ARPC4: variants seen among roughly 807,000 people sequenced by gnomAD.
ARPC4 encodes actin related protein 2/3 complex subunit 4, also known as actin-related protein 2/3 complex subunit 4.
In ARPC4, 3 loss-of-function variants were observed where a neutral mutation model predicts 22.8. The ratio of observed to expected loss-of-function variants is 0.13; its 90% CI spans 0.06 to 0.34. ARPC4 has a LOEUF of 0.34. ARPC4 is among the 10% of genes least tolerant of loss of function. The pLI is 1.00. For synonymous variants in ARPC4, 80 were observed against 72.5 expected (o/e 1.10, Z -0.52); for missense variants, 98 against 211.0 (o/e 0.46, Z 3.32).
intron 1 of ARPC4, among the ~76,000 whole-genome samples, chr3:9,793,843 G>A (rs2078815512): frequency 6.6e-6 from 1 of 152,088 alleles, no homozygotes; most frequent in Non-Finnish European, 1.5e-5. Flanking sequence ...ACCTTCCCTG[G>A]TGATACCGAT....
intron 2 of ARPC4, chr3:9,799,955 G>A: frequency 3.1e-6 from 2 of 640,542 alleles, no homozygotes; most frequent in Non-Finnish European, 5.8e-6. Flanking sequence ...ACTTGCCCAA[G>A]GAAAGTAACA....
intron 1 of ARPC4, among the ~76,000 whole-genome samples, chr3:9,793,456 T>A (rs159143): frequency 6.6e-6 from 1 of 152,050 alleles, no homozygotes; most frequent in Non-Finnish European, 1.5e-5. Flanking sequence ...CCTCTTAGCC[T>A]CTGAGGCATG....
chr3:9,799,109 T>G (rs1016966883), intron 2 of ARPC4, among the ~76,000 whole-genome samples: 2 of 152,210 alleles, frequency 1.3e-5, no homozygotes, highest in Non-Finnish European at 2.9e-5. Flanking sequence ...ATTAGAGATC[T>G]CTAGGTATTC....
intron 2 of ARPC4, 161 bp from the exon 3 acceptor site, chr3:9,800,024 T>C: frequency 1.4e-6 from 1 of 729,276 alleles, no homozygotes; most frequent in South Asian, 1.6e-5. Context: ...CTCTTTCTGC[T>C]GAAGAACACA....
intron 1 of ARPC4, among the ~76,000 whole-genome samples, chr3:9,795,091 A>T (rs1367083378): frequency 1.3e-5 from 2 of 151,760 alleles, no homozygotes; most frequent in African/African-American, 4.8e-5. Context: ...CTGCAACCTC[A>T]GTCTCCTGGG....
chr3:9,801,401 G>A (rs982586020), intron 3 of ARPC4, among the ~76,000 whole-genome samples: 4 of 152,004 alleles, frequency 2.6e-5, no homozygotes, highest in Admixed American at 2.6e-4. Flanking sequence ...GCAGCTTGGA[G>A]TACAGCTGTA....
Position 9,795,556 on chromosome 3 carries a change from T to C in ARPC4, c.4-2103T>C, listed in dbSNP as rs542559628. ...CTCAGCCTACCGCTGCAGCCTCATT[T>C]AGTGAATCTAAAATGCTTCTCATAT... On this transcript the variant is annotated intron_variant, in intron 1 of 5. Transcript: ENST00000397261. 2.9e-4 allele frequency among the ~76,000 whole-genome samples: 44 copies of C among 152,314 alleles called. 2 individuals carry two copies. Among genetic ancestry groups the C allele is most frequent in the African/African-American group, 1.0e-3 (43 of 41,566 alleles).
In ARPC4 at chr3:9,806,436, A is replaced by C; in HGVS notation, c.*221A>C. 3.3e-6 allele frequency: 2 copies of C among 610,334 alleles called. No homozygotes were observed. Among genetic ancestry groups the C allele is most frequent in the Non-Finnish European group, 5.9e-6 (2 of 339,440 alleles). The allele number at this position is 610,334 out of a possible 1,614,324, so 37.8% of individuals were successfully genotyped here. On this transcript the variant is annotated 3_prime_UTR_variant, in exon 6 of 6. Coordinates refer to ENST00000397261, the MANE Select transcript of ARPC4 (RefSeq NM_005718.5). ...CTGGTCAGGCTGGCTTCTGATGTTC[A>C]GTCCCCTGGGCCGGGACAGATTTTT...
chr3:9,792,958 C>T, upstream of ARPC4: 1 of 1,411,330 alleles, frequency 7.1e-7, no homozygotes, highest in East Asian at 2.8e-5. Flanking sequence ...GGAAAACTTC[C>T]GGAAGGCCCA....
intron 1 of ARPC4, among the ~76,000 whole-genome samples, chr3:9,795,741 A>G (rs2078868972): frequency 6.6e-6 from 1 of 152,216 alleles, no homozygotes; most frequent in Non-Finnish European, 1.5e-5. Flanking sequence ...GCTGTGAATA[A>G]AATAGATATG....
intron 1 of ARPC4, among the ~76,000 whole-genome samples, chr3:9,796,906 G>A (rs367926766): frequency 6.8e-4 from 91 of 133,432 alleles, no homozygotes; most frequent in East Asian, 3.8e-3. Flanking sequence ...GTGCCACCGC[G>A]CTCCAGCCTG....
chr3:9,805,102 TAGG>T (rs1388197510), intron 5 of ARPC4, among the ~76,000 whole-genome samples: 1 of 152,234 alleles, frequency 6.6e-6, no homozygotes, highest in Non-Finnish European at 1.5e-5. Flanking sequence ...GCCAGGATAT[TAGG>T]AGGCCTCTAG....
At chr3:9,796,688 A>T (rs548126897) in intron 1 of ARPC4, among the ~76,000 whole-genome samples, 236 of 152,078 alleles carry the variant, frequency 1.6e-3, no homozygotes, top group South Asian at 2.7e-3. Context: ...ACGCCTGTAA[A>T]CCCAGCACTT....
In ARPC4 at chr3:9,797,933, G is replaced by A. The variant is rs2078929716; in HGVS notation, c.122+156G>A. 3 of 796,822 alleles carry A rather than the reference G, an allele frequency of 3.8e-6. No homozygotes were observed. In the African/African-American group the frequency reaches 5.2e-5, roughly 14 times the overall value. The allele number at this position is 796,822 out of a possible 1,614,324, so 49.4% of individuals were successfully genotyped here. ...GCTGAATGGTGATTCCCAATTTGGA[G>A]TTAAGAAAATAGGGTCAGTGGGTTG... is the stretch of plus-strand genomic sequence containing the variant. On this transcript the variant is annotated intron_variant, in intron 2 of 5. Coordinates refer to ENST00000397261, the MANE Select transcript of ARPC4 (RefSeq NM_005718.5).
Position 9,803,932 on chromosome 3 carries a change from G to A in ARPC4, c.420G>A (p.Glu140=). 1 of 1,614,266 alleles carries A rather than the reference G, an allele frequency of 6.2e-7. No homozygotes were observed. The highest frequency in any genetic ancestry group is 8.5e-7 in the Non-Finnish European group (1 of 1,180,048). ...TGGACTTTGTGATCCACTTCATGGA[G>A]GAGATTGACAAGGAGATCAGTGAGA... ...KLVDFVIHFM[E]EIDKEISEMK... Residue 140 remains glutamate (E), a synonymous_variant, in exon 5 of 6, where the codon GAG becomes GAA. Coordinates refer to ENST00000397261, the MANE Select transcript of ARPC4 (RefSeq NM_005718.5).
At chr3:9,794,323 CCT>C (rs1296541015) in intron 1 of ARPC4, among the ~76,000 whole-genome samples, 1 of 152,038 alleles carries the variant, frequency 6.6e-6, no homozygotes, top group Admixed American at 6.6e-5. Context: ...CACGGTGAAA[CCT>C]CTTCTCTACT....
At chr3:9,794,638 G>A (rs1287087991) in intron 1 of ARPC4, among the ~76,000 whole-genome samples, 1 of 152,006 alleles carries the variant, frequency 6.6e-6, no homozygotes, top group East Asian at 1.9e-4. Flanking sequence ...CCTGTGAATA[G>A]CCACTGCACT....
chr3:9,797,242 A>G (rs930411727), intron 1 of ARPC4, among the ~76,000 whole-genome samples: 1 of 152,168 alleles, frequency 6.6e-6, no homozygotes, highest in East Asian at 1.9e-4. Context: ...GTGTCTCTAG[A>G]TCACTTTCTC....
At position 9,801,651 on chromosome 3, in the gene ARPC4, C is replaced by T. The variant is rs2079013219; in HGVS notation, c.235-10C>T. The T allele has an allele frequency of 3.8e-6, 6 of 1,598,762 alleles. No homozygotes were observed. The highest frequency in any genetic ancestry group is 5.1e-6 in the Non-Finnish European group (6 of 1,170,382). ...GCTTTAGAGAAACATTTCTCTCTTG[C>T]ACTCCCCAGGCTGATGAGATCGAGA... On this transcript the variant is annotated splice_polypyrimidine_tract_variant and intron_variant, in intron 3 of 5. Transcript: ENST00000397261.
Sources: allele counts gnomAD v4.1 joint callset (sites outside exome capture counted in the v4.1 genomes callset), GRCh38; gene constraint gnomAD v4.1.1; transcripts MANE v1.5; gene names NCBI Gene and HGNC (gene_info 2026-07-23, HGNC 2026-07-21).